ZNF541: variants seen among roughly 807,000 people sequenced by gnomAD.
The protein encoded by ZNF541 is zinc finger protein 541.
A neutral mutation model predicts 123.5 loss-of-function variants in ZNF541; 23 were observed. The observed-to-expected ratio is 0.19, with a 90% CI of 0.13 to 0.26. The LOEUF is 0.26. ZNF541 is among the 10% of genes least tolerant of loss of function. The probability of loss-of-function intolerance (pLI) is 1.00; values close to 1 mark genes in which losing one functional copy is unlikely to be tolerated. For missense variants in ZNF541, 1,612 were observed against 1,789.9 expected, an observed-to-expected ratio of 0.90 and a Z score of 1.79; for synonymous variants, 751 against 754.5, an observed-to-expected ratio of 1.00 and a Z score of 0.08.
chr19:47,570,348 C>A (rs1971431049), intron 2 of ZNF541, among the ~76,000 whole-genome samples: 1 of 151,376 alleles, frequency 6.6e-6, no homozygotes, highest in Non-Finnish European at 1.5e-5. Flanking sequence ...GAGGCTGACG[C>A]AGGCAGATCA....
At chr19:47,543,775 T>G (rs1403814852) in intron 5 of ZNF541, among the ~76,000 whole-genome samples, 1 of 151,860 alleles carries the variant, frequency 6.6e-6, no homozygotes, top group East Asian at 1.9e-4. Context: ...CTCGAGTAGC[T>G]GGGACCACAG....
intron 2 of ZNF541, among the ~76,000 whole-genome samples, chr19:47,566,291 T>C (rs1286088963): frequency 6.6e-6 from 1 of 152,122 alleles, no homozygotes; most frequent in Non-Finnish European, 1.5e-5. Context: ...TAACCTACCA[T>C]GAGATTCTAG....
intron 3 of ZNF541, among the ~76,000 whole-genome samples, chr19:47,550,931 G>T (rs1175019831): frequency 6.6e-6 from 1 of 152,176 alleles, no homozygotes. Flanking sequence ...TCTCAGATGC[G>T]AGAGTTCCCA....
chr19:47,528,310 C>T (rs1485079649), intron 14 of ZNF541, among the ~76,000 whole-genome samples: 10 of 135,436 alleles, frequency 7.4e-5, no homozygotes, highest in African/African-American at 2.5e-4. Context: ...AGCAAAACTC[C>T]GTCTCAAAAA....
At chr19:47,535,140 A>G (rs1969758045) in intron 9 of ZNF541, among the ~76,000 whole-genome samples, 1 of 152,134 alleles carries the variant, frequency 6.6e-6, no homozygotes, top group Non-Finnish European at 1.5e-5. Flanking sequence ...TTTTTAGTAG[A>G]GACGGGATTT....
At position 47,529,675 on chromosome 19, in the gene ZNF541, CT is replaced by C. The variant is rs757469381; in HGVS notation, c.3406-24del. 12 of 1,550,088 alleles carry C rather than the reference CT, an allele frequency of 7.7e-6. No individual in the cohort carries two copies. The South Asian group carries it at 1.3e-4, about 17-fold the overall frequency. ...GACCTGGAACAAGAGGAGCGACAGG[CT>C]GCCCAGGACCAGGTGGGGGAAGAGG... On this transcript the variant is annotated intron_variant, in intron 12 of 16. Coordinates refer to ENST00000391901, the MANE Select transcript of ZNF541 (RefSeq NM_001277075.3).
chr19:47,561,409 G>C (rs544462160), intron 2 of ZNF541, among the ~76,000 whole-genome samples: 32 of 152,128 alleles, frequency 2.1e-4, no homozygotes, highest in African/African-American at 7.0e-4. Context: ...CTGCACTCCA[G>C]CCTGGGCAAC....
chr19:47,548,442 CAAA>C (rs574466068), intron 4 of ZNF541, among the ~76,000 whole-genome samples: 2 of 60,354 alleles, frequency 3.3e-5, no homozygotes, highest in Non-Finnish European at 4.2e-5. Context: ...GACTCCATCT[CAAA>C]AAAAAAAAAA....
rs1969583908 is a variant in ZNF541, at chr19:47,531,761, A to G, written c.3302-16T>C. The G allele has an allele frequency of 2.0e-6, 3 of 1,536,858 alleles. No individual in the cohort carries two copies. In the South Asian group the frequency reaches 3.6e-5, roughly 18 times the overall value. ...AGCTCGGTCACTGTTTCCAAGAAGG[A>G]CATGAGGAAGAGGAGGCACACAGGA... On this transcript the variant is annotated splice_polypyrimidine_tract_variant and intron_variant, in intron 11 of 16. Transcript: ENST00000391901.
At position 47,545,837 on chromosome 19, in the gene ZNF541, G is replaced by C. The variant is rs748751439; in HGVS notation, c.692C>G (p.Pro231Arg). ...HGLCILKEAP[P>R]EEEACGDSPH... ...GGAGTCCCCGCAGGCCTCTTCCTCC[G>C]GGGGGGCTTCCTTCAGGATGCACAG... Residue 231 changes from proline (P) to arginine (R), a missense_variant, in exon 5 of 17, where the codon CCG becomes CGG. Physicochemically the swap from Pro to Arg is moderately radical, Grantham distance 103. Transcript: ENST00000391901. This position sits in a 1 kb window ranked among gnomAD's most constrained non-coding sequence, Gnocchi z 7.5. 6.5e-7 allele frequency: 1 copy of C among 1,548,186 alleles called. No individual in the cohort carries two copies. The highest frequency in any genetic ancestry group is 2.4e-5 in the East Asian group (1 of 40,864).
intron 2 of ZNF541, among the ~76,000 whole-genome samples, chr19:47,569,513 T>C (rs1971396980): frequency 6.6e-6 from 1 of 152,050 alleles, no homozygotes; most frequent in Non-Finnish European, 1.5e-5. Context: ...TATCACACAC[T>C]TGAGACTGGG....
At chr19:47,563,538 T>G (rs1437333579) in intron 2 of ZNF541, among the ~76,000 whole-genome samples, 2 of 152,166 alleles carry the variant, frequency 1.3e-5, no homozygotes, top group African/African-American at 4.8e-5. Flanking sequence ...TAAACTGTTT[T>G]CACCACTCTA....
chr19:47,558,995 C>T (rs1347845300), intron 2 of ZNF541, among the ~76,000 whole-genome samples: 3 of 151,864 alleles, frequency 2.0e-5, no homozygotes, highest in Middle Eastern at 3.4e-3. Context: ...CCACCCGCCT[C>T]GGCCTCCCAA....
intron 9 of ZNF541, among the ~76,000 whole-genome samples, chr19:47,536,602 T>C (rs368617571): frequency 3.3e-5 from 5 of 151,956 alleles, no homozygotes; most frequent in African/African-American, 9.6e-5. Context: ...TAAAAACAAT[T>C]ACAAAAAATT....
At chr19:47,522,668 T>C (rs1969091366) in intron 14 of ZNF541, among the ~76,000 whole-genome samples, 1 of 151,564 alleles carries the variant, frequency 6.6e-6, no homozygotes, top group Non-Finnish European at 1.5e-5. Flanking sequence ...TGGTGGTGCA[T>C]GCCTGTGGTC....
intron 4 of ZNF541, among the ~76,000 whole-genome samples, chr19:47,548,984 C>A (rs1400239960): frequency 6.7e-6 from 1 of 149,978 alleles, no homozygotes; most frequent in East Asian, 2.0e-4. Flanking sequence ...GAGGCTGAGG[C>A]AGGAGAATCA....
At chr19:47,527,456 T>G (rs988025715) in intron 14 of ZNF541, among the ~76,000 whole-genome samples, 2 of 151,022 alleles carry the variant, frequency 1.3e-5, no homozygotes, top group African/African-American at 2.4e-5. Flanking sequence ...AGTGCAGTGG[T>G]GCAATCTTGG....
chr19:47,558,067 G>A (rs560530745), intron 2 of ZNF541, among the ~76,000 whole-genome samples: 1 of 151,978 alleles, frequency 6.6e-6, no homozygotes, highest in Non-Finnish European at 1.5e-5. Flanking sequence ...CTGCAACTAG[G>A]AATTAAAGAG....
chr19:47,525,666 C>A (rs1969252851), intron 14 of ZNF541, among the ~76,000 whole-genome samples: 1 of 152,164 alleles, frequency 6.6e-6, no homozygotes, highest in African/African-American at 2.4e-5. Context: ...GTAATCCCAG[C>A]ACTTTGGGAG....
Sources: gnomAD v4.1 joint callset for allele counts (sites outside exome capture counted in the v4.1 genomes callset) on GRCh38, gnomAD v4.1.1 for gene constraint, Gnocchi (gnomAD v3.1) non-coding constraint, MANE v1.5 for transcripts, NCBI Gene and HGNC (gene_info 2026-07-23, HGNC 2026-07-21) for gene names.